Variants in AGRN observed in about 807,000 individuals in gnomAD.
AGRN encodes agrin, also known as agrin proteoglycan.
Under a neutral mutation model 211.0 loss-of-function variants are expected in AGRN, and 106 were observed. The ratio of observed to expected loss-of-function variants is 0.50; its 90% CI spans 0.43 to 0.59. The LOEUF (loss-of-function observed/expected upper bound fraction) is 0.59, where lower values mean the gene tolerates loss of function less well. Among genes scored for constraint, AGRN ranks in the 20% least tolerant of loss-of-function variants. The pLI is 0.00. For missense variants in AGRN, 3,040 were observed against 2,982.6 expected, an observed-to-expected ratio of 1.02 and a Z score of -0.45; for synonymous variants, 1,525 against 1,332.5, an observed-to-expected ratio of 1.14 and a Z score of -3.15.
Position 1,035,311 on chromosome 1 carries a change from G to T in AGRN, c.498G>T (p.Pro166=), listed in dbSNP as rs775955535. Residue 166 remains proline (P), a synonymous_variant, in exon 3 of 36, where the codon CCG becomes CCT. Coordinates refer to ENST00000379370, the MANE Select transcript of AGRN (RefSeq NM_198576.4). ...GGACCCACTTCACTCCAGTGCCTCC[G>T]ACGCCTCCTGATGGTGAGTAGGGCT... The part of the protein sequence containing the change: ...KPGTHFTPVP[P]TPPDACRGML... The T allele has an allele frequency of 6.2e-7, 1 of 1,613,110 alleles. No individual in the cohort carries two copies. The highest frequency in any genetic ancestry group is 1.7e-5 in the Admixed American group (1 of 60,032).
chr1:1,038,064 G>A (rs1302289070), intron 3 of AGRN, among the ~76,000 whole-genome samples: 1 of 152,168 alleles, frequency 6.6e-6, no homozygotes, highest in Non-Finnish European at 1.5e-5. Context: ...CACTCTTGAG[G>A]GGCAGATGTG....
At chr1:1,052,116 T>A (rs1169796788) in intron 33 of AGRN, 1 of 1,346,674 alleles carries the variant, frequency 7.4e-7, no homozygotes. Context: ...TTTCCATCCC[T>A]TGTGGCGGAG....
In AGRN at chr1:1,043,327, G is replaced by A. The variant is rs750394972; in HGVS notation, c.1473G>A (p.Leu491=). The A allele has an allele frequency of 1.9e-6, 3 of 1,609,462 alleles. No individual in the cohort carries two copies. Among genetic ancestry groups the A allele is most frequent in the Non-Finnish European group, 2.5e-6 (3 of 1,178,970 alleles). The change falls in exon 8 of 36, where the codon CTG becomes CTA. Residue 491 remains leucine, a synonymous_variant. Transcript: ENST00000379370. ...VKNGQAACEC[L]QACSSLYDPV... ...ACGGGCAGGCAGCGTGTGAATGCCT[G>A]CAGGCGTGCTCGAGCCTCTACGATC... is the stretch of plus-strand genomic sequence containing the variant.
intron 2 of AGRN, chr1:1,035,018 C>T (rs1644767536): frequency 1.5e-5 from 9 of 588,988 alleles, no homozygotes; most frequent in Non-Finnish European, 2.4e-5. Context: ...CCTGCCTGCA[C>T]CCCTGTGGCT....
chr1:1,033,006 G>A (rs1417880307), intron 2 of AGRN, among the ~76,000 whole-genome samples: 1 of 152,106 alleles, frequency 6.6e-6, no homozygotes, highest in African/African-American at 2.4e-5. Context: ...GTGTGGGGAC[G>A]CCGGACTACG....
rs116556814 is a variant in AGRN, at chr1:1,032,946, G to T, written c.464-2331G>T. Among the ~76,000 whole-genome samples, 3,422 of 152,106 alleles carry T rather than the reference G, an allele frequency of 0.022. 85 individuals carry two copies. Among genetic ancestry groups the T allele is most frequent in the African/African-American group, 0.063 (2,634 of 41,498 alleles). On this transcript the variant is annotated intron_variant, in intron 2 of 35. Transcript: ENST00000379370. This position sits in a 1 kb window ranked among gnomAD's most constrained non-coding sequence, Gnocchi z 4.7. The stretch of plus-strand genomic sequence containing the variant: ...CGGACGGGCCCCTCCCTTACCCCCG[G>T]ATCCCCCGGCTGGGCAGCGGCCAGG...
Position 1,046,055 on chromosome 1 carries a change from G to A in AGRN, c.2772G>A (p.Pro924=), listed in dbSNP as rs757358761. 20 of 1,613,934 alleles carry A rather than the reference G, an allele frequency of 1.2e-5. No homozygotes were observed. Among genetic ancestry groups the A allele is most frequent in the South Asian group, 1.1e-4 (10 of 91,094 alleles). Residue 924 remains proline (P), a synonymous_variant, in exon 16 of 36, where the codon CCG becomes CCA. Transcript: ENST00000379370. ...CTGGCTCAGCCCACTGTGTCTGCCC[G>A]ATGCTCACCTGTCCAGAGGCCAACG... The part of the protein sequence containing the change: ...EESGSAHCVC[P]MLTCPEANAT...
chr1:1,050,257 C>T lies in AGRN; in HGVS notation c.4904C>T (p.Pro1635Leu). Residue 1635 changes from proline to leucine, a missense_variant, in exon 28 of 36, where the codon CCC becomes CTC. Coordinates refer to ENST00000379370, the MANE Select transcript of AGRN (RefSeq NM_198576.4). ...GCCTCGGGGCAGGACGGCTCTGGGCCCTTCCTGGCTGACTTCAACGGCTTC... is the reference window on the plus strand; with the variant it reads ...GCCTCGGGGCAGGACGGCTCTGGGCTCTTCCTGGCTGACTTCAACGGCTTC... Reference protein sequence around the residue: ...QTASGQDGSGPFLADFNGFSH... With the variant: ...QTASGQDGSGLFLADFNGFSH... 1 of 1,613,132 alleles carries T rather than the reference C, an allele frequency of 6.2e-7. No homozygotes were observed. Among genetic ancestry groups the T allele is most frequent in the South Asian group, 1.1e-5 (1 of 91,082 alleles).
chr1:1,024,753 TC>T (rs1041763636), intron 2 of AGRN, among the ~76,000 whole-genome samples: 10 of 151,122 alleles, frequency 6.6e-5, no homozygotes, highest in South Asian at 6.3e-4. Context: ...CCAAGGCCCC[TC>T]CCCCAGTCAA....
chr1:1,027,177 G>A (rs1644539500), intron 2 of AGRN, among the ~76,000 whole-genome samples: 1 of 152,258 alleles, frequency 6.6e-6, no homozygotes, highest in South Asian at 2.1e-4. Flanking sequence ...GGGAGAAGGG[G>A]CGTGCTGTGT....
intron 9 of AGRN, 35 bp downstream of exon 9, chr1:1,043,767 C>A (rs1375871957): frequency 6.2e-7 from 1 of 1,604,148 alleles, no homozygotes; most frequent in Non-Finnish European, 8.5e-7. Context: ...GGGCCAGGGT[C>A]CTGTGCCTCC....
In AGRN at chr1:1,047,660, G is replaced by A. The variant is rs148948883; in HGVS notation, c.3604G>A (p.Ala1202Thr). The change falls in exon 21 of 36, where the codon GCC becomes ACC. Residue 1202 changes from alanine to threonine, a missense_variant. Physicochemically the swap from Ala to Thr is moderately conservative, Grantham distance 58. Around this residue, in one of 3 missense-constraint regions of AGRN, gnomAD observed 1,537 missense variants for 1,505.0 expected, o/e 1.02. Transcript: ENST00000379370. ...RDLGPGKSVR[A>T]IVDVHFDPTT... ...CCTGGGGCCCGGCAAATCCGTCCGC[G>A]CCATTGTGGATGTGCACTTTGACCC... 7.4e-6 allele frequency: 12 copies of A among 1,613,090 alleles called. No individual in the cohort carries two copies. The highest frequency in any genetic ancestry group is 1.3e-5 in the African/African-American group (1 of 75,052).
In AGRN at chr1:1,031,746, C is replaced by T. The variant is rs577849450; in HGVS notation, c.464-3531C>T. 4.3e-4 allele frequency among the ~76,000 whole-genome samples: 65 copies of T among 152,338 alleles called. No homozygotes were observed. Among genetic ancestry groups the T allele is most frequent in the Non-Finnish European group, 9.1e-4 (62 of 68,026 alleles). On this transcript the variant is annotated intron_variant, in intron 2 of 35. Coordinates refer to ENST00000379370, the MANE Select transcript of AGRN (RefSeq NM_198576.4). This position sits in a 1 kb window ranked among gnomAD's most constrained non-coding sequence, Gnocchi z 4.8. ...TGCCAGCCCGTACCTGGGGCTCCCCCACCCCTCCCACATTGTGGTACCTGT... is the reference window on the plus strand; with the variant it reads ...TGCCAGCCCGTACCTGGGGCTCCCCTACCCCTCCCACATTGTGGTACCTGT...
chr1:1,022,078 C>A, intron 1 of AGRN, 123 bp from the exon 2 acceptor site: 1 of 1,276,190 alleles, frequency 7.8e-7, no homozygotes, highest in Non-Finnish European at 1.1e-6. Flanking sequence ...ACTCAGAGGT[C>A]TCCCCACATC....
At chr1:1,042,769 G>A (rs891555472) in intron 7 of AGRN, among the ~76,000 whole-genome samples, 1 of 152,056 alleles carries the variant, frequency 6.6e-6, no homozygotes, top group Non-Finnish European at 1.5e-5. Context: ...GGTGCGGCAG[G>A]GGGGGTGGCT....
Position 1,047,610 on chromosome 1 carries a change from AT to A in AGRN, c.3558del (p.Arg1187GlyfsTer51). On this transcript the variant is annotated frameshift_variant, in exon 21 of 36. Coordinates refer to ENST00000379370, the MANE Select transcript of AGRN (RefSeq NM_198576.4). LOFTEE classifies it high-confidence loss of function. Reference sequence around the variant, plus strand: ...TTCCGGAATTCAGACGTCAAGAAGGATTTTCGGAGTGTCCGCTTGCGGGACC... The same window carrying A: ...TTCCGGAATTCAGACGTCAAGAAGGATTTCGGAGTGTCCGCTTGCGGGACC... ...DLFRNSDVKK[D>X]FRSVRLRDLG... The A allele has an allele frequency of 6.2e-7, 1 of 1,612,916 alleles. No individual in the cohort carries two copies. The highest frequency in any genetic ancestry group is 8.5e-7 in the Non-Finnish European group (1 of 1,180,004).
At chr1:1,024,331 T>G (rs1570138008) in intron 2 of AGRN, among the ~76,000 whole-genome samples, 1 of 150,730 alleles carries the variant, frequency 6.6e-6, no homozygotes, top group Non-Finnish European at 1.5e-5. Flanking sequence ...GGGAGGTGGG[T>G]CCATCTCCTG....
intron 2 of AGRN, among the ~76,000 whole-genome samples, chr1:1,028,320 G>GCC (rs77046272): frequency 7.6e-5 from 8 of 105,090 alleles, no homozygotes; most frequent in African/African-American, 2.9e-4. Context: ...GTGGGGAAAC[G>GCC]CCCCCCCCCC....
rs1444404935 is a variant in AGRN, at chr1:1,050,726, G to C, written c.5142G>C (p.Arg1714Ser). 3 of 1,601,554 alleles carry C rather than the reference G, an allele frequency of 1.9e-6. No individual in the cohort carries two copies. The Admixed American group carries it at 5.1e-5, about 27-fold the overall frequency. The change falls in exon 30 of 36, where the codon AGG becomes AGC. Residue 1714 changes from arginine to serine, a missense_variant and splice_region_variant. Transcript: ENST00000379370. ...YDLGKGAAVI[R>S]SREPVTLGAW... ...CACTCACGCTGCCCCTCCTCACCAG[G>C]AGCAGGGAGCCAGTCACCCTGGGAG...
Sources: gnomAD v4.1 joint callset for allele counts (sites outside exome capture counted in the v4.1 genomes callset) on GRCh38, gnomAD v4.1.1 for gene constraint, gnomAD v4.1.1 regional missense constraint, Gnocchi (gnomAD v3.1) non-coding constraint, MANE v1.5 for transcripts, NCBI Gene and HGNC (gene_info 2026-07-23, HGNC 2026-07-21) for gene names.